The following LGR5 variants were observed in gnomAD, a reference collection of about 807,000 sequenced individuals.
The protein encoded by LGR5 is leucine rich repeat containing G protein-coupled receptor 5.
LGR5 carries 54 observed loss-of-function variants against 76.7 expected under a neutral mutation model. The ratio of observed to expected loss-of-function variants is 0.70; its 90% CI spans 0.57 to 0.88. The LOEUF (loss-of-function observed/expected upper bound fraction) is 0.88, where lower values mean the gene tolerates loss of function less well. Among genes scored for constraint, LGR5 ranks in the 40% least tolerant of loss-of-function variants. LGR5 has a pLI of 0.00. For missense variants in LGR5, 1,078 were observed against 1,073.3 expected (o/e 1.00, Z -0.06); for synonymous variants, 406 against 421.9 (o/e 0.96, Z 0.46).
At position 71,584,253 on chromosome 12, in the gene LGR5, A is replaced by G. The variant is rs1879223263; in HGVS notation, c.2243A>G (p.Tyr748Cys). The change falls in exon 18 of 18, where the codon TAC becomes TGC. Residue 748 changes from tyrosine to cysteine, a missense_variant. Transcript: ENST00000266674. Reference protein sequence around the residue: ...LMMTIAYTKLYCNLDKGDLEN... With the variant: ...LMMTIAYTKLCCNLDKGDLEN... ...ATGACCATTGCCTACACCAAGCTCT[A>G]CTGCAATTTGGACAAGGGAGACCTG... 2 of 1,613,912 alleles carry G rather than the reference A, an allele frequency of 1.2e-6. No homozygotes were observed. The highest frequency in any genetic ancestry group is 1.7e-6 in the Non-Finnish European group (2 of 1,179,930).
At chr12:71,546,235 A>C (rs990973992) in intron 4 of LGR5, among the ~76,000 whole-genome samples, 5 of 151,836 alleles carry the variant, frequency 3.3e-5, no homozygotes, top group Non-Finnish European at 4.4e-5. Context: ...GAATTGCTTG[A>C]ACCCAGGAGG....
At chr12:71,546,910 C>T (rs1247735381) in intron 4 of LGR5, among the ~76,000 whole-genome samples, 2 of 152,172 alleles carry the variant, frequency 1.3e-5, no homozygotes, top group Admixed American at 6.5e-5. Context: ...GTTATTGAGG[C>T]CCCTCAGGGT....
chr12:71,482,014 G>T (rs1196278226), intron 1 of LGR5, among the ~76,000 whole-genome samples: 1 of 152,132 alleles, frequency 6.6e-6, no homozygotes, highest in African/African-American at 2.4e-5. Flanking sequence ...ATAAAGTAAT[G>T]AAATTATCTG....
chr12:71,570,450 C>T (rs1878554899), intron 11 of LGR5, among the ~76,000 whole-genome samples: 1 of 152,096 alleles, frequency 6.6e-6, no homozygotes, highest in African/African-American at 2.4e-5. Flanking sequence ...GGAGTATCCC[C>T]TTTGCAGCCT....
intron 11 of LGR5, 154 bp from the exon 12 acceptor site, chr12:71,571,356 ATAAT>A: frequency 1.9e-6 from 1 of 520,274 alleles, no homozygotes; most frequent in Non-Finnish European, 3.4e-6. Flanking sequence ...GGTTAATCCA[ATAAT>A]GGCTGTGACT....
chr12:71,514,428 C>T (rs1251878590), intron 2 of LGR5, among the ~76,000 whole-genome samples: 2 of 151,960 alleles, frequency 1.3e-5, no homozygotes, highest in Non-Finnish European at 1.5e-5. Flanking sequence ...ATTAGCCGGG[C>T]GTGGTGGCGG....
intron 4 of LGR5, among the ~76,000 whole-genome samples, chr12:71,549,392 C>G (rs908814908): frequency 1.3e-5 from 2 of 152,054 alleles, no homozygotes; most frequent in African/African-American, 4.8e-5. Flanking sequence ...ATGGTGACTA[C>G]AGTTAATAAT....
At chr12:71,528,322 GT>G (rs1398411934) in intron 3 of LGR5, among the ~76,000 whole-genome samples, 1 of 152,092 alleles carries the variant, frequency 6.6e-6, no homozygotes, top group Admixed American at 6.6e-5. Flanking sequence ...GCCTGGCATG[GT>G]GGCGAACACC....
intron 1 of LGR5, among the ~76,000 whole-genome samples, chr12:71,459,096 G>T (rs1872595130): frequency 6.6e-6 from 1 of 151,978 alleles, no homozygotes; most frequent in Non-Finnish European, 1.5e-5. Flanking sequence ...GACCTAGTAA[G>T]ACCAGTATGT....
intron 2 of LGR5, among the ~76,000 whole-genome samples, chr12:71,514,376 G>A (rs903135081): frequency 2.0e-5 from 3 of 152,010 alleles, no homozygotes; most frequent in Non-Finnish European, 2.9e-5. Flanking sequence ...AGACCATCCT[G>A]GCTAACACAG....
intron 2 of LGR5, among the ~76,000 whole-genome samples, chr12:71,509,566 A>C (rs939831884): frequency 6.6e-6 from 1 of 152,204 alleles, no homozygotes; most frequent in African/African-American, 2.4e-5. Flanking sequence ...TATGTAGACA[A>C]ATAAAAGATC....
chr12:71,513,665 G>A (rs1322323662), intron 2 of LGR5, among the ~76,000 whole-genome samples: 2 of 152,146 alleles, frequency 1.3e-5, no homozygotes. Flanking sequence ...TTGTGCCCTA[G>A]CATTTATGGA....
chr12:71,477,333 A>T (rs1417058620), intron 1 of LGR5, among the ~76,000 whole-genome samples: 2 of 152,010 alleles, frequency 1.3e-5, no homozygotes, highest in Non-Finnish European at 2.9e-5. Context: ...GCCTCTGGGA[A>T]ATGGGAATCA....
At chr12:71,482,621 G>T (rs1873657454) in intron 1 of LGR5, among the ~76,000 whole-genome samples, 1 of 152,086 alleles carries the variant, frequency 6.6e-6, no homozygotes, top group African/African-American at 2.4e-5. Flanking sequence ...TAAAAGCCTA[G>T]AAAAGTATTT....
At chr12:71,562,192 A>G (rs1224264278) in intron 8 of LGR5, among the ~76,000 whole-genome samples, 1 of 152,156 alleles carries the variant, frequency 6.6e-6, no homozygotes, top group African/African-American at 2.4e-5. Context: ...CTGAACTTAA[A>G]CCCGAGTATA....
chr12:71,477,422 T>C (rs1873386226), intron 1 of LGR5, among the ~76,000 whole-genome samples: 1 of 150,550 alleles, frequency 6.6e-6, no homozygotes, highest in Admixed American at 6.6e-5. Flanking sequence ...TAAAAAAACA[T>C]GAAAATGTAT....
At chr12:71,500,646 G>A (rs188687085) in intron 1 of LGR5, among the ~76,000 whole-genome samples, 48 of 151,414 alleles carry the variant, frequency 3.2e-4, no homozygotes, top group African/African-American at 1.1e-3. Flanking sequence ...TTTTTTTGTA[G>A]AGATGAGGTC....
At chr12:71,514,340 A>G (rs4760940) in intron 2 of LGR5, among the ~76,000 whole-genome samples, 134,237 of 152,066 alleles carry the variant, frequency 0.88, 59,357 homozygotes, top group East Asian at 0.97. Context: ...AGGCCGAGGC[A>G]GGTGGATCAC....
At chr12:71,579,400 G>A (rs530121414) in intron 15 of LGR5, among the ~76,000 whole-genome samples, 1 of 152,046 alleles carries the variant, frequency 6.6e-6, no homozygotes, top group East Asian at 1.9e-4. Context: ...TTTAACCCAC[G>A]GTAGTTTTTA....
Sources: allele counts gnomAD v4.1 joint callset (sites outside exome capture counted in the v4.1 genomes callset), GRCh38; gene constraint gnomAD v4.1.1; transcripts MANE v1.5; gene names NCBI Gene and HGNC (gene_info 2026-07-23, HGNC 2026-07-21).